Variants in EIF4E observed in about 807,000 individuals in gnomAD.
EIF4E encodes the protein eukaryotic translation initiation factor 4E.
For synonymous variants in EIF4E, 71 were observed against 88.5 expected, an observed-to-expected ratio of 0.80 and a Z score of 1.11; for missense variants, 113 against 265.6, an observed-to-expected ratio of 0.43 and a Z score of 3.99.
chr4:98,883,058 G>A (rs1447755720), intron 6 of EIF4E, among the ~76,000 whole-genome samples: 1 of 152,122 alleles, frequency 6.6e-6, no homozygotes, highest in Non-Finnish European at 1.5e-5. Flanking sequence ...GGCTGAGGCA[G>A]GTGGATGACT....
At chr4:98,899,349 G>A (rs545205948) in intron 2 of EIF4E, among the ~76,000 whole-genome samples, 2 of 152,206 alleles carry the variant, frequency 1.3e-5, no homozygotes, top group African/African-American at 4.8e-5. Flanking sequence ...ATTTTAAAAT[G>A]CAAATTGAAA....
intron 1 of EIF4E, chr4:98,909,761 T>C (rs891926983): frequency 2.8e-6 from 2 of 704,714 alleles, no homozygotes; most frequent in African/African-American, 3.5e-5. Flanking sequence ...CTTTCCTTCT[T>C]GTTTTGCTTC....
intron 1 of EIF4E, among the ~76,000 whole-genome samples, chr4:98,904,483 A>ATT (rs1724781498): frequency 6.6e-5 from 10 of 152,312 alleles, no homozygotes; most frequent in African/African-American, 2.2e-4. Context: ...TCAAGAACAC[A>ATT]TAATCGGCCG....
intron 1 of EIF4E, among the ~76,000 whole-genome samples, chr4:98,909,059 C>T (rs991183198): frequency 2.0e-5 from 3 of 152,160 alleles, no homozygotes; most frequent in Admixed American, 6.6e-5. Context: ...AGGCTCAACA[C>T]CTTTGCTCAT....
rs1305372955 is a variant in EIF4E, at chr4:98,896,498, A to AAAAAC, written c.126-5167_126-5166insGTTTT. On this transcript the variant is annotated intron_variant, in intron 2 of 6. Transcript: ENST00000450253. ...ACCCCGCATCTCTCAAAAAAAAAAA[A>AAAAAC]AAAAAAAAAAAACACCTTAGCTAGC... Among the ~76,000 whole-genome samples, 5 of 148,296 alleles carry AAAAAC rather than the reference A, an allele frequency of 3.4e-5. 1 individual carries two copies. The highest frequency in any genetic ancestry group is 1.2e-4 in the African/African-American group (5 of 40,150).
chr4:98,884,851 T>C, intron 6 of EIF4E, 71 bp downstream of exon 6: 1 of 1,581,758 alleles, frequency 6.3e-7, no homozygotes, highest in Non-Finnish European at 8.6e-7. Flanking sequence ...TTTCTAAAGC[T>C]ACAAATAAAA....
At chr4:98,925,896 T>A (rs1579190842) in intron 1 of EIF4E, 1 of 151,264 alleles carries the variant, frequency 6.6e-6, no homozygotes, top group Non-Finnish European at 1.5e-5. Flanking sequence ...CGAGGCTCGG[T>A]GGCTCACGCC....
intron 1 of EIF4E, among the ~76,000 whole-genome samples, chr4:98,909,339 G>A (rs568871760): frequency 2.6e-5 from 4 of 152,256 alleles, no homozygotes; most frequent in Admixed American, 6.5e-5. Flanking sequence ...GACTTCATAC[G>A]TTTCTGTTCC....
intron 1 of EIF4E, chr4:98,928,826 C>G: frequency 6.6e-7 from 1 of 1,522,462 alleles, no homozygotes; most frequent in Non-Finnish European, 8.8e-7. Flanking sequence ...CTGTAGACAC[C>G]TCGCGGTTCC....
intron 2 of EIF4E, among the ~76,000 whole-genome samples, chr4:98,894,692 C>G (rs1384983488): frequency 6.6e-6 from 1 of 152,196 alleles, no homozygotes. Flanking sequence ...TACTCTATAT[C>G]AGCAATAAGG....
At chr4:98,918,435 T>A (rs1725496533) in intron 1 of EIF4E, among the ~76,000 whole-genome samples, 1 of 151,882 alleles carries the variant, frequency 6.6e-6, no homozygotes, top group African/African-American at 2.4e-5. Context: ...ACTTTGTTTT[T>A]ACATATAAAC....
chr4:98,900,068 T>C (rs1445352370), intron 2 of EIF4E, among the ~76,000 whole-genome samples: 1 of 151,728 alleles, frequency 6.6e-6, no homozygotes, highest in Non-Finnish European at 1.5e-5. Flanking sequence ...GAGGGATATA[T>C]GCCTTGTTTA....
In EIF4E at chr4:98,887,588, C is replaced by T. The variant is rs1723976616; in HGVS notation, c.285+301G>A. Among the ~76,000 whole-genome samples the T allele has an allele frequency of 6.6e-6, 1 of 152,192 alleles. No homozygotes were observed. The highest frequency in any genetic ancestry group is 1.5e-5 in the Non-Finnish European group (1 of 68,040). On this transcript the variant is annotated intron_variant, in intron 4 of 6. Coordinates refer to ENST00000450253, the MANE Select transcript of EIF4E (RefSeq NM_001968.5). This position sits in a 1 kb window ranked among gnomAD's most constrained non-coding sequence, Gnocchi z 4.0. ...ATAATAAGTATTCCAAGGACCCATGCTCCTAAGGTTAAGAATGCTTGATAA... is the reference window on the plus strand; with the variant it reads ...ATAATAAGTATTCCAAGGACCCATGTTCCTAAGGTTAAGAATGCTTGATAA...
rs1724526309 is a variant in EIF4E, at chr4:98,898,793, ATAAC to A, written c.125+3079_125+3082del. 2.0e-5 allele frequency among the ~76,000 whole-genome samples: 3 copies of A among 152,200 alleles called. No individual in the cohort carries two copies. In the South Asian group the frequency reaches 6.2e-4, roughly 31 times the overall value. On this transcript the variant is annotated intron_variant, in intron 2 of 6. Coordinates refer to ENST00000450253, the MANE Select transcript of EIF4E (RefSeq NM_001968.5). ...ATTATTTACTGTAAAAATATAGTAA[ATAAC>A]AATAGATAAAAATCCACATAAAGCT...
At chr4:98,917,131 C>CAA (rs1351581887) in intron 1 of EIF4E, among the ~76,000 whole-genome samples, 12 of 52,554 alleles carry the variant, frequency 2.3e-4, no homozygotes, top group African/African-American at 4.6e-4. Context: ...CACACACACA[C>CAA]ACAAAAAAAA....
chr4:98,928,773 C>T (rs113241521), intron 1 of EIF4E: 25,222 of 1,324,422 alleles, frequency 0.019, 318 homozygotes, highest in African/African-American at 0.032. Flanking sequence ...CATGAAGACA[C>T]CATCCTCGCA....
At chr4:98,925,184 T>C (rs977752835) in intron 1 of EIF4E, among the ~76,000 whole-genome samples, 8 of 152,232 alleles carry the variant, frequency 5.3e-5, no homozygotes, top group African/African-American at 1.9e-4. Flanking sequence ...ATTGTCCAAG[T>C]TGATTCACTT....
intron 5 of EIF4E, chr4:98,886,375 C>A: frequency 2.8e-6 from 1 of 355,632 alleles, no homozygotes; most frequent in South Asian, 2.2e-5. Flanking sequence ...ACATGTAGGT[C>A]AAATGGTAGT....
In EIF4E at chr4:98,921,153, A is replaced by G. The variant is rs573277063; in HGVS notation, c.18+7942T>C. Among the ~76,000 whole-genome samples, 6 of 152,358 alleles carry G rather than the reference A, an allele frequency of 3.9e-5. No individual in the cohort carries two copies. The South Asian group carries it at 1.2e-3, about 32-fold the overall frequency. ...GGTAGAAAGTTAAAAATCACTTGAA[A>G]TATGAATTCCTCACCTATAAAGTAT... On this transcript the variant is annotated intron_variant, in intron 1 of 6. Coordinates refer to ENST00000450253, the MANE Select transcript of EIF4E (RefSeq NM_001968.5).
Sources: gnomAD v4.1 joint callset for allele counts (sites outside exome capture counted in the v4.1 genomes callset) on GRCh38, gnomAD v4.1.1 for gene constraint, Gnocchi (gnomAD v3.1) non-coding constraint, MANE v1.5 for transcripts, NCBI Gene and HGNC (gene_info 2026-07-23, HGNC 2026-07-21) for gene names.